SLC2A13: variants seen among roughly 807,000 people sequenced by gnomAD.
The protein encoded by SLC2A13 is solute carrier family 2 member 13, also known as proton myo-inositol cotransporter.
Under a neutral mutation model 64.4 loss-of-function variants are expected in SLC2A13, and 32 were observed. The observed-to-expected ratio is 0.50, with a 90% CI of 0.37 to 0.67. SLC2A13 has a LOEUF of 0.67. Among genes scored for constraint, SLC2A13 ranks in the 30% least tolerant of loss-of-function variants. SLC2A13 has a pLI of 0.00. For missense variants in SLC2A13, 743 were observed against 829.2 expected (o/e 0.90, Z 1.28); for synonymous variants, 338 against 327.1 (o/e 1.03, Z -0.36).
intron 3 of SLC2A13, among the ~76,000 whole-genome samples, chr12:40,000,040 C>T (rs1328338573): frequency 6.6e-6 from 1 of 152,156 alleles, no homozygotes; most frequent in Non-Finnish European, 1.5e-5. Context: ...ATATTGGGGC[C>T]TGTTTCTCCC....
chr12:40,035,564 T>C (rs963316462), intron 2 of SLC2A13, among the ~76,000 whole-genome samples: 15 of 152,156 alleles, frequency 9.9e-5, no homozygotes, highest in Non-Finnish European at 1.6e-4. Context: ...CATAAGACCA[T>C]GGCTGAAGGT....
chr12:39,964,751 T>C (rs1946477307), intron 3 of SLC2A13, among the ~76,000 whole-genome samples: 1 of 152,202 alleles, frequency 6.6e-6, no homozygotes, highest in Admixed American at 6.5e-5. Flanking sequence ...AATCCCATCA[T>C]ATCCTATGTC....
At chr12:39,852,769 C>CCTCTCCTGAAACCAATCAGATTGGTT (rs1943504597) in intron 6 of SLC2A13, among the ~76,000 whole-genome samples, 1 of 152,164 alleles carries the variant, frequency 6.6e-6, no homozygotes, top group Non-Finnish European at 1.5e-5. Context: ...TCTGATTGGT[C>CCTCTCCTGAAACCAATCAGATTGGTT]CTCTCCTGAA....
chr12:39,903,420 G>T (rs535440556), intron 4 of SLC2A13, among the ~76,000 whole-genome samples: 1 of 152,212 alleles, frequency 6.6e-6, no homozygotes, highest in Admixed American at 6.6e-5. Context: ...GGTAATGGGA[G>T]TAGTAAACAT....
intron 7 of SLC2A13, among the ~76,000 whole-genome samples, chr12:39,796,050 C>A (rs1362856120): frequency 1.3e-5 from 2 of 152,114 alleles, no homozygotes; most frequent in Admixed American, 1.3e-4. Flanking sequence ...CCTCTTCTCC[C>A]CCCAGCCTCT....
At chr12:39,966,547 G>GA (rs1565566007) in intron 3 of SLC2A13, among the ~76,000 whole-genome samples, 4 of 152,064 alleles carry the variant, frequency 2.6e-5, no homozygotes, top group African/African-American at 9.6e-5. Context: ...ATAGAAATTA[G>GA]AAAAAAATAA....
At chr12:40,074,496 T>C (rs888657100) in intron 1 of SLC2A13, among the ~76,000 whole-genome samples, 1 of 152,146 alleles carries the variant, frequency 6.6e-6, no homozygotes, top group Non-Finnish European at 1.5e-5. Flanking sequence ...CATAGTGTTT[T>C]TGATCTCTAG....
At chr12:39,991,640 T>C (rs1435183077) in intron 3 of SLC2A13, among the ~76,000 whole-genome samples, 1 of 152,218 alleles carries the variant, frequency 6.6e-6, no homozygotes, top group African/African-American at 2.4e-5. Flanking sequence ...CCCTTTGTCC[T>C]CTGCTGCTTT....
At position 39,895,584 on chromosome 12, in the gene SLC2A13, GTA is replaced by G. The variant is rs559447438; in HGVS notation, c.1035-23625_1035-23624del. ...CACACACACGTGTATATGTATATGT[GTA>G]TATATATGTGTATATACGTATATAC... On this transcript the variant is annotated intron_variant, in intron 4 of 9. Transcript: ENST00000280871. Among the ~76,000 whole-genome samples the G allele has an allele frequency of 1.0e-3, 125 of 122,342 alleles. 43 individuals carry two copies. The highest frequency in any genetic ancestry group is 3.2e-3 in the African/African-American group (103 of 31,846). 80.3% of individuals were successfully genotyped at this position (122,342 alleles called of 152,430 possible).
chr12:40,028,096 A>C (rs952979911), intron 3 of SLC2A13, among the ~76,000 whole-genome samples: 41 of 152,110 alleles, frequency 2.7e-4, no homozygotes, highest in Non-Finnish European at 2.9e-5. Context: ...TTTTGAAAAC[A>C]GTTCAATAGC....
rs183034848 is a variant in SLC2A13 at position 39,958,639 on chromosome 12, G to A, written c.926-7274C>T. On this transcript the variant is annotated intron_variant, in intron 3 of 9. Coordinates refer to ENST00000280871, the MANE Select transcript of SLC2A13 (RefSeq NM_052885.4). ...ATTGATAACAGAACCATCAGGGCCTGTTTCATGAAGGGGACACTCCTGCCC... is the reference window on the plus strand; with the variant it reads ...ATTGATAACAGAACCATCAGGGCCTATTTCATGAAGGGGACACTCCTGCCC... 5.9e-5 allele frequency among the ~76,000 whole-genome samples: 9 copies of A among 152,236 alleles called. 1 individual carries two copies. The highest frequency in any genetic ancestry group is 5.2e-4 in the Admixed American group (8 of 15,286).
Position 39,758,171 on chromosome 12 carries a change from A to G in SLC2A13, c.*1855T>C, listed in dbSNP as rs1208622558. ...CACCTAATTCAAGGAAAAAACCTCT[A>G]TAAAATATTAATTTTTTTTATTATA... On this transcript the variant is annotated 3_prime_UTR_variant, in exon 10 of 10. Transcript: ENST00000280871. 6.6e-6 allele frequency: 1 copy of G among 151,626 alleles called. No individual in the cohort carries two copies. Among genetic ancestry groups the G allele is most frequent in the Non-Finnish European group, 1.5e-5 (1 of 67,724 alleles). 9.4% of individuals were successfully genotyped at this position (151,626 alleles called of 1,614,324 possible). A position where few individuals can be genotyped will look rare whatever the true frequency, so the allele number is the denominator to read the frequency against.
chr12:39,966,927 G>A (rs994621669), intron 3 of SLC2A13, among the ~76,000 whole-genome samples: 1 of 151,984 alleles, frequency 6.6e-6, no homozygotes, highest in African/African-American at 2.4e-5. Flanking sequence ...GATATGGCTT[G>A]AGATGCTCTT....
chr12:39,830,323 T>C (rs1942817418), intron 6 of SLC2A13, 95 bp from the exon 7 acceptor site: 9 of 1,514,156 alleles, frequency 5.9e-6, no homozygotes, highest in Non-Finnish European at 7.9e-6. Flanking sequence ...TTCCACTCTC[T>C]TGTGCAGTAA....
intron 1 of SLC2A13, among the ~76,000 whole-genome samples, chr12:40,051,945 A>G (rs920494353): frequency 6.6e-6 from 1 of 152,186 alleles, no homozygotes; most frequent in Non-Finnish European, 1.5e-5. Context: ...CAGGGAAGCA[A>G]CACGTACAGT....
rs934827896 is a variant in SLC2A13, at chr12:39,994,611, A to G, written c.925+33690T>C. Among the ~76,000 whole-genome samples, 5 of 152,182 alleles carry G rather than the reference A, an allele frequency of 3.3e-5. No homozygotes were observed. In the East Asian group the frequency reaches 9.6e-4, roughly 29 times the overall value. On this transcript the variant is annotated intron_variant, in intron 3 of 9. Transcript: ENST00000280871. ...CAAACACAAGCATATCTGTGCATAT[A>G]GTTTTATGCACATTTCAAATGCACT...
chr12:40,039,725 C>A (rs566027446), intron 2 of SLC2A13, among the ~76,000 whole-genome samples: 2 of 152,198 alleles, frequency 1.3e-5, no homozygotes, highest in African/African-American at 4.8e-5. Context: ...CCACACACTT[C>A]CTGCCCACGT....
chr12:39,865,048 T>C (rs956131204), intron 5 of SLC2A13, among the ~76,000 whole-genome samples, 166 bp from the exon 6 acceptor site: 2 of 152,156 alleles, frequency 1.3e-5, no homozygotes, highest in Admixed American at 6.5e-5. Flanking sequence ...TCCCAATGTA[T>C]AAACAAATTA....
At chr12:39,842,410 C>T (rs1041830242) in intron 6 of SLC2A13, among the ~76,000 whole-genome samples, 5 of 151,964 alleles carry the variant, frequency 3.3e-5, no homozygotes, top group South Asian at 2.1e-4. Context: ...TTCTACTCAG[C>T]CTTTAGTTTG....
Sources: gnomAD v4.1 joint callset for allele counts (sites outside exome capture counted in the v4.1 genomes callset) on GRCh38, gnomAD v4.1.1 for gene constraint, MANE v1.5 for transcripts, NCBI Gene and HGNC (gene_info 2026-07-23, HGNC 2026-07-21) for gene names.